The following DNAH11 variants were observed in gnomAD, a reference collection of about 807,000 sequenced individuals.
The protein encoded by DNAH11 is dynein axonemal heavy chain 11.
In DNAH11, 442 loss-of-function variants were observed where a neutral mutation model predicts 526.0. The observed-to-expected ratio is 0.84, with a 90% CI of 0.78 to 0.91. The LOEUF (loss-of-function observed/expected upper bound fraction) is 0.91. DNAH11 is among the 40% of genes least tolerant of loss of function. DNAH11 has a pLI of 0.00. For synonymous variants in DNAH11, 2,461 were observed against 1,935.9 expected, an observed-to-expected ratio of 1.27 and a Z score of -7.12; for missense variants, 6,989 against 5,448.7, an observed-to-expected ratio of 1.28 and a Z score of -8.90.
At chr7:21,604,300 C>G (rs1233297799) in intron 18 of DNAH11, among the ~76,000 whole-genome samples, 2 of 152,112 alleles carry the variant, frequency 1.3e-5, no homozygotes, top group Non-Finnish European at 2.9e-5. Context: ...TGTTAACACC[C>G]ACTTTAATTC....
At chr7:21,672,827 A>G (rs2128469762) in intron 30 of DNAH11, among the ~76,000 whole-genome samples, 1 of 152,248 alleles carries the variant, frequency 6.6e-6, no homozygotes, top group South Asian at 2.1e-4. Flanking sequence ...GACAGGAAAA[A>G]ATGGGGGACC....
At chr7:21,877,480 T>C (rs1443813776) in intron 74 of DNAH11, among the ~76,000 whole-genome samples, 2 of 152,238 alleles carry the variant, frequency 1.3e-5, no homozygotes, top group Non-Finnish European at 2.9e-5. Flanking sequence ...TAGTGCTTTA[T>C]TATCCTGAGC....
At chr7:21,677,681 A>G (rs2965388) in intron 30 of DNAH11, among the ~76,000 whole-genome samples, 89,851 of 152,090 alleles carry the variant, frequency 0.59, 27,434 homozygotes, top group African/African-American at 0.75. Flanking sequence ...CATCACGGCC[A>G]GCCTGTGATC....
intron 20 of DNAH11, among the ~76,000 whole-genome samples, chr7:21,613,535 C>T (rs547586739): frequency 4.9e-4 from 74 of 152,194 alleles, no homozygotes; most frequent in Middle Eastern, 6.8e-3. Context: ...AAGCAGGATG[C>T]TAATACTCTT....
chr7:21,593,720 C>A (rs1422855167), intron 14 of DNAH11, among the ~76,000 whole-genome samples: 1 of 151,922 alleles, frequency 6.6e-6, no homozygotes, highest in Non-Finnish European at 1.5e-5. Flanking sequence ...GAGTTGATTT[C>A]TTGTTGTTAC....
chr7:21,546,739 T>C (rs1232046124), intron 2 of DNAH11, among the ~76,000 whole-genome samples: 1 of 152,212 alleles, frequency 6.6e-6, no homozygotes, highest in Admixed American at 6.5e-5. Context: ...GAAACAATAA[T>C]TGTGAATGCT....
Position 21,725,869 on chromosome 7 carries a change from A to T in DNAH11, c.7325A>T (p.Lys2442Ile), listed in dbSNP as rs114286628. Residue 2442 changes from lysine to isoleucine, a missense_variant, in exon 45 of 82, where the codon AAA becomes ATA. By Grantham distance (102) the Lys-to-Ile change is moderately radical (BLOSUM62 -3). Transcript: ENST00000409508. ...TGGCAGAAAGAGATGAAAGCAGTGA[A>T]ATTTCCGTCGCAGGGAACAATCTTT... is the stretch of plus-strand genomic sequence containing the variant. ...RWWQKEMKAV[K>I]FPSQGTIFDY... is the part of the protein sequence containing the mutation. 3 of 1,611,176 alleles carry T rather than the reference A, an allele frequency of 1.9e-6. No individual in the cohort carries two copies. The highest frequency in any genetic ancestry group is 2.5e-6 in the Non-Finnish European group (3 of 1,178,700).
chr7:21,821,474 G>A (rs1267540649), intron 65 of DNAH11, among the ~76,000 whole-genome samples: 1 of 152,104 alleles, frequency 6.6e-6, no homozygotes, highest in Non-Finnish European at 1.5e-5. Flanking sequence ...GAAAAATGGG[G>A]ACCCAGAGAC....
In DNAH11 at chr7:21,763,436, A is replaced by G. The variant is rs372217686; in HGVS notation, c.8941-1992A>G. On this transcript the variant is annotated intron_variant, in intron 54 of 81. Coordinates refer to ENST00000409508, the MANE Select transcript of DNAH11 (RefSeq NM_001277115.2). ...TCACTAATCAGGGAAATGCAAATCA[A>G]AACCACAATGAAGCATCACCTCACA... Among the ~76,000 whole-genome samples, 398 of 152,132 alleles carry G rather than the reference A, an allele frequency of 2.6e-3. 2 individuals are homozygous for G. The highest frequency in any genetic ancestry group is 9.3e-3 in the African/African-American group (385 of 41,506).
chr7:21,655,891 T>C lies in DNAH11; in HGVS notation c.5004T>C (p.Asn1668=). ...TTGCAGATCTGCAGTTTGAAGACAA[T>C]CAGGATGTTTCTGCACACAGGGCAG... ...DSIADLQFED[N]QDVSAHRAVG... The change falls in exon 29 of 82, where the codon AAT becomes AAC. Residue 1668 remains asparagine (N), a synonymous_variant. Coordinates refer to ENST00000409508, the MANE Select transcript of DNAH11 (RefSeq NM_001277115.2). The C allele has an allele frequency of 1.2e-6, 2 of 1,613,402 alleles. No homozygotes were observed. The highest frequency in any genetic ancestry group is 1.7e-6 in the Non-Finnish European group (2 of 1,179,590).
intron 11 of DNAH11, 137 bp from the exon 12 acceptor site, chr7:21,589,071 C>A: frequency 1.7e-6 from 1 of 596,862 alleles, no homozygotes; most frequent in Non-Finnish European, 2.6e-6. Context: ...TTAATACGCA[C>A]ATAATTTGGT....
chr7:21,566,639 G>T (rs779036403), intron 6 of DNAH11, among the ~76,000 whole-genome samples: 7 of 149,456 alleles, frequency 4.7e-5, no homozygotes, highest in Non-Finnish European at 1.0e-4. Context: ...AAGAAGATAA[G>T]TAACTCTCCA....
At chr7:21,566,268 A>G (rs1783662903) in intron 6 of DNAH11, among the ~76,000 whole-genome samples, 1 of 152,132 alleles carries the variant, frequency 6.6e-6, no homozygotes, top group African/African-American at 2.4e-5. Context: ...CTGATAAAAT[A>G]ATGTGGCTTC....
rs1279470250 is a variant in DNAH11 at position 21,658,982 on chromosome 7, G to A, written c.5279G>A (p.Arg1760Lys). 35 of 1,609,604 alleles carry A rather than the reference G, an allele frequency of 2.2e-5. No homozygotes were observed. The highest frequency in any genetic ancestry group is 2.5e-5 in the Non-Finnish European group (30 of 1,178,002). The change falls in exon 30 of 82, where the codon AGA becomes AAA. Residue 1760 changes from arginine to lysine, a missense_variant. Transcript: ENST00000409508. ...ACAGATGTAGGAATAGCCTTCAGTA[G>A]ACTGGAAGAAGGCTACGAAACAGCC... Reference protein sequence around the residue: ...WTTDVGIAFSRLEEGYETALK... With the variant: ...WTTDVGIAFSKLEEGYETALK...
At position 21,748,723 on chromosome 7, in the gene DNAH11, A is replaced by T. The variant is rs758234780; in HGVS notation, c.8654A>T (p.Tyr2885Phe). The part of the protein sequence containing the change: ...EVFQITLTEG[Y>F]GIQELRVDLA... ...TTTCAGATCACTCTGACCGAGGGCT[A>T]TGGAATCCAGGAACTTCGGGTGAGT... is the stretch of plus-strand genomic sequence containing the variant. The change falls in exon 52 of 82, where the codon TAT becomes TTT. Residue 2885 changes from tyrosine to phenylalanine, a missense_variant. Transcript: ENST00000409508. The T allele has an allele frequency of 1.9e-6, 3 of 1,613,142 alleles. No individual in the cohort carries two copies. Among genetic ancestry groups the T allele is most frequent in the Admixed American group, 1.7e-5 (1 of 59,972 alleles).
rs183865018 is a variant in DNAH11 at position 21,710,546 on chromosome 7, A to G, written c.6684-7A>G. The G allele has an allele frequency of 1.8e-4, 286 of 1,594,582 alleles. No homozygotes were observed. Among genetic ancestry groups the G allele is most frequent in the Non-Finnish European group, 2.3e-4 (273 of 1,165,274 alleles). ...AATAAACAGCACTCAACTACATTAT[A>G]TATTAGGATTGTTTACTCTTATTTT... On this transcript the variant is annotated splice_polypyrimidine_tract_variant and splice_region_variant and intron_variant, in intron 40 of 81. Coordinates refer to ENST00000409508, the MANE Select transcript of DNAH11 (RefSeq NM_001277115.2).
chr7:21,643,421 C>G (rs184904474), intron 28 of DNAH11, among the ~76,000 whole-genome samples: 22 of 152,250 alleles, frequency 1.4e-4, no homozygotes, highest in African/African-American at 5.1e-4. Flanking sequence ...AAACATTTAA[C>G]TTCTCCATAA....
At chr7:21,747,488 T>C (rs1054509620) in intron 51 of DNAH11, among the ~76,000 whole-genome samples, 9 of 152,252 alleles carry the variant, frequency 5.9e-5, no homozygotes, top group Non-Finnish European at 1.3e-4. Flanking sequence ...TACATGCCTA[T>C]ATTTTGTTTT....
chr7:21,683,715 G>A, intron 31 of DNAH11, 69 bp from the exon 32 acceptor site: 1 of 1,448,656 alleles, frequency 6.9e-7, no homozygotes, highest in Middle Eastern at 1.8e-4. Context: ...CAGTAGAGTT[G>A]ATTAGATTAA....
Sources: allele counts gnomAD v4.1 joint callset (sites outside exome capture counted in the v4.1 genomes callset), GRCh38; gene constraint gnomAD v4.1.1; transcripts MANE v1.5; gene names NCBI Gene and HGNC (gene_info 2026-07-23, HGNC 2026-07-21).